The following MTFR1 variants were observed in gnomAD, a reference collection of about 807,000 sequenced individuals.
MTFR1 encodes the protein chondrocyte protein with a poly-proline region.
Under a neutral mutation model 38.8 loss-of-function variants are expected in MTFR1, and 28 were observed. The ratio of observed to expected loss-of-function variants is 0.72; its 90% CI spans 0.53 to 0.99. The LOEUF is 0.99. MTFR1 is among the 50% of genes least tolerant of loss of function. The pLI is 0.00. For synonymous variants in MTFR1, 145 were observed against 137.0 expected, an observed-to-expected ratio of 1.06 and a Z score of -0.41; for missense variants, 358 against 395.5, an observed-to-expected ratio of 0.91 and a Z score of 0.81.
chr8:65,660,291 CAA>C (rs1358969347), intron 1 of MTFR1, among the ~76,000 whole-genome samples: 17 of 67,458 alleles, frequency 2.5e-4, no homozygotes, highest in Admixed American at 3.6e-4. Context: ...AACTCTGTCT[CAA>C]AAAAAAAAAA....
intron 1 of MTFR1, among the ~76,000 whole-genome samples, chr8:65,662,041 C>CT (rs1417181464): frequency 1.0e-4 from 8 of 76,282 alleles, no homozygotes; most frequent in African/African-American, 2.9e-4. Context: ...CCCTCTCTCT[C>CT]CCTCTCTCTC....
intron 1 of MTFR1, among the ~76,000 whole-genome samples, chr8:65,649,240 G>A (rs563964586): frequency 6.6e-6 from 1 of 151,894 alleles, no homozygotes; most frequent in East Asian, 1.9e-4. Flanking sequence ...GAGTGCAATG[G>A]CACACACGAT....
chr8:65,763,464 C>G (rs982287641), intron 3 of MTFR1, among the ~76,000 whole-genome samples: 1 of 151,994 alleles, frequency 6.6e-6, no homozygotes, highest in Non-Finnish European at 1.5e-5. Context: ...ACTTAGGAGG[C>G]TGAGGCAGGA....
At chr8:65,697,341 C>T (rs147501104) in intron 4 of MTFR1, among the ~76,000 whole-genome samples, 11 of 152,286 alleles carry the variant, frequency 7.2e-5, no homozygotes, top group African/African-American at 2.2e-4. Context: ...TGGCCACGGG[C>T]GTGCACCTAC....
intron 1 of MTFR1, among the ~76,000 whole-genome samples, chr8:65,664,409 T>C (rs930792907): frequency 1.3e-5 from 2 of 152,144 alleles, no homozygotes; most frequent in African/African-American, 4.8e-5. Context: ...GCACAACTAA[T>C]ATATGGTTGC....
chr8:65,762,990 A>AATGT (rs1342459662), intron 3 of MTFR1, among the ~76,000 whole-genome samples: 12 of 123,768 alleles, frequency 9.7e-5, no homozygotes, highest in Non-Finnish European at 2.0e-4. Flanking sequence ...ATATAAAAAC[A>AATGT]ATGTGTGTGT....
At chr8:65,688,451 C>CTTT (rs199865141) in intron 3 of MTFR1, among the ~76,000 whole-genome samples, 30 of 130,472 alleles carry the variant, frequency 2.3e-4, no homozygotes, top group East Asian at 1.2e-3. Flanking sequence ...TTTTTCTTTT[C>CTTT]TTTTTTTTTT....
rs1295965698 is a variant in MTFR1, at chr8:65,730,171, C to CTTCTTTTTTTTTTTTTTTTT, written c.*48+10692_*48+10693insCTTTTTTTTTTTTTTTTTTT. Reference sequence around the variant, plus strand: ...TGTGAGGGATCCAGGTTGCGCACTTCTTTTTTTTTTTTTTTTTTTTTTTTT... The same window carrying CTTCTTTTTTTTTTTTTTTTT: ...TGTGAGGGATCCAGGTTGCGCACTTCTTCTTTTTTTTTTTTTTTTTTTTTTTTTTTTTTTTTTTTTTTTTT... On this transcript the variant is annotated intron_variant, in intron 3 of 3. Coordinates refer to the MTFR1 transcript ENST00000521247. Among the ~76,000 whole-genome samples the CTTCTTTTTTTTTTTTTTTTT allele has an allele frequency of 7.8e-4, 67 of 86,448 alleles. 9 individuals are homozygous for CTTCTTTTTTTTTTTTTTTTT. Among genetic ancestry groups the CTTCTTTTTTTTTTTTTTTTT allele is most frequent in the African/African-American group, 2.8e-3 (58 of 20,938 alleles). The allele number at this position is 86,448 out of a possible 152,430, so 56.7% of individuals were successfully genotyped here.
chr8:65,715,324 CCAAGAGTT>C (rs996464766), downstream of MTFR1, among the ~76,000 whole-genome samples: 1 of 151,714 alleles, frequency 6.6e-6, no homozygotes, highest in African/African-American at 2.4e-5. Flanking sequence ...CTGCTTGAGC[CCAAGAGTT>C]CAAGACCAGC....
In MTFR1 at chr8:65,707,058, C is replaced by T; in HGVS notation, c.566C>T (p.Pro189Leu). 6.2e-7 allele frequency: 1 copy of T among 1,607,258 alleles called. No homozygotes were observed. The highest frequency in any genetic ancestry group is 1.3e-5 in the African/African-American group (1 of 74,840). ...GGTACCATACCACCACACCCTCCAC[C>T]TCCCCCACCGCCCCTGCCTCCCCCT... ...TFGTIPPHPP[P>L]PPPPLPPPAL... is the part of the protein sequence containing the mutation. The change falls in exon 6 of 8, where the codon CCT (proline) becomes CTT (leucine). Residue 189 changes from proline (P) to leucine (L), a missense_variant. Physicochemically the swap from Pro to Leu is moderately conservative, Grantham distance 98. Transcript: ENST00000262146.
At chr8:65,742,742 T>A (rs1027909250) in intron 3 of MTFR1, among the ~76,000 whole-genome samples, 2 of 152,198 alleles carry the variant, frequency 1.3e-5, no homozygotes, top group Non-Finnish European at 2.9e-5. Flanking sequence ...AGTAGAAAAT[T>A]CCTGAGCTTT....
chr8:65,742,616 T>C (rs1053645328), intron 3 of MTFR1, among the ~76,000 whole-genome samples: 1 of 152,230 alleles, frequency 6.6e-6, no homozygotes, highest in East Asian at 1.9e-4. Flanking sequence ...CATGAATGTA[T>C]GTTATCCAGA....
At chr8:65,673,814 G>C (rs1037788072) in intron 2 of MTFR1, among the ~76,000 whole-genome samples, 3 of 152,060 alleles carry the variant, frequency 2.0e-5, no homozygotes, top group African/African-American at 7.2e-5. Context: ...GCTGAGGCAG[G>C]AGAATCGCTT....
chr8:65,694,996 C>T (rs770055420), intron 4 of MTFR1, among the ~76,000 whole-genome samples: 2 of 152,150 alleles, frequency 1.3e-5, no homozygotes, highest in Admixed American at 6.6e-5. Context: ...AGGTCTTACA[C>T]GTGACTCTAA....
chr8:65,727,316 A>G (rs1351048103), intron 3 of MTFR1: 1 of 1,612,306 alleles, frequency 6.2e-7, no homozygotes, highest in African/African-American at 1.3e-5. Flanking sequence ...AGTGTGACAA[A>G]AGAATAATGA....
chr8:65,738,772 G>A (rs1209798008), intron 3 of MTFR1, among the ~76,000 whole-genome samples: 1 of 152,114 alleles, frequency 6.6e-6, no homozygotes, highest in Non-Finnish European at 1.5e-5. Context: ...GAGATTCTAG[G>A]GGTCAGAAAA....
At position 65,669,974 on chromosome 8, in the gene MTFR1, C is replaced by T. The variant is rs1804523614; in HGVS notation, c.22C>T (p.Leu8=). MLGWIKR[L]IRMVFQQVGV... is the part of the protein sequence containing the mutation. ...ATAAATGCTTGGCTGGATTAAGCGC[C>T]TAATTAGGATGGTTTTTCAACAAGT... The change falls in exon 2 of 8, where the codon CTA becomes TTA. Residue 8 remains leucine (L), a synonymous_variant. Coordinates refer to ENST00000262146, the MANE Select transcript of MTFR1 (RefSeq NM_014637.4). The T allele has an allele frequency of 1.9e-6, 3 of 1,601,162 alleles. No individual in the cohort carries two copies. The highest frequency in any genetic ancestry group is 2.3e-5 in the South Asian group (2 of 87,690).
intron 2 of MTFR1, 113 bp downstream of exon 2, chr8:65,670,131 A>T: frequency 2.4e-6 from 2 of 833,998 alleles, no homozygotes; most frequent in Non-Finnish European, 3.7e-6. Flanking sequence ...CAATATGTTT[A>T]TGTACTGTTT....
chr8:65,681,157 C>G (rs183775642), intron 2 of MTFR1, among the ~76,000 whole-genome samples: 2,281 of 152,062 alleles, frequency 0.015, 52 homozygotes, highest in African/African-American at 0.051. Context: ...CATGATCCAC[C>G]CGCCTCGGCC....
Sources: allele counts gnomAD v4.1 joint callset (sites outside exome capture counted in the v4.1 genomes callset), GRCh38; gene constraint gnomAD v4.1.1; transcripts MANE v1.5; gene names NCBI Gene and HGNC (gene_info 2026-07-23, HGNC 2026-07-21).